The following DISP1 variants were observed in gnomAD, a reference collection of about 807,000 sequenced individuals.
DISP1 encodes the protein dispatched RND transporter family member 1, also known as protein dispatched homolog 1.
Under a neutral mutation model 37.3 loss-of-function variants are expected in DISP1, and 30 were observed. The ratio of observed to expected loss-of-function variants is 0.80; its 90% CI spans 0.60 to 1.09. The LOEUF is 1.09. DISP1 is among the 50% of genes least tolerant of loss of function. DISP1 has a pLI of 0.00. For missense variants in DISP1, 1,598 were observed against 1,879.5 expected, an observed-to-expected ratio of 0.85 and a Z score of 2.77; for synonymous variants, 634 against 690.2, an observed-to-expected ratio of 0.92 and a Z score of 1.28.
chr1:222,984,535 G>A (rs559219895), intron 4 of DISP1, among the ~76,000 whole-genome samples: 3 of 147,566 alleles, frequency 2.0e-5, no homozygotes, highest in African/African-American at 7.5e-5. Context: ...TATATAACAG[G>A]TTTATATGAT....
At chr1:223,002,294 C>T in intron 8 of DISP1, 91 bp from the exon 9 acceptor site, 1 of 1,212,840 alleles carries the variant, frequency 8.2e-7, no homozygotes. Context: ...TTCCCTGTCC[C>T]TCAAGATCAC....
intron 1 of DISP1, among the ~76,000 whole-genome samples, chr1:222,842,895 A>G (rs1278961534): frequency 6.6e-6 from 1 of 152,064 alleles, no homozygotes; most frequent in Non-Finnish European, 1.5e-5. Flanking sequence ...TGACAGTGTA[A>G]CAGTAGATCT....
Position 223,004,960 on chromosome 1 carries a change from A to T in DISP1, c.3563A>T (p.Glu1188Val). Residue 1188 changes from glutamate to valine, a missense_variant, in exon 9 of 9, where the codon GAG becomes GTG. Coordinates refer to ENST00000675850, the MANE Select transcript of DISP1 (RefSeq NM_001377229.1). The surrounding 1 kb of genome is among the most constrained non-coding windows in gnomAD (Gnocchi z 4.9). Reference protein sequence around the residue: ...LDPRGPKSELEHEFYELEPLA... With the variant: ...LDPRGPKSELVHEFYELEPLA... ...CCCAGGGGCCCAAAATCTGAACTGG[A>T]GCATGAGTTTTATGAATTAGAACCT... 6.2e-7 allele frequency: 1 copy of T among 1,613,860 alleles called. No homozygotes were observed. Among genetic ancestry groups the T allele is most frequent in the South Asian group, 1.1e-5 (1 of 91,080 alleles).
At chr1:222,913,969 A>G (rs1217110494) in intron 1 of DISP1, among the ~76,000 whole-genome samples, 1 of 150,070 alleles carries the variant, frequency 6.7e-6, no homozygotes, top group Non-Finnish European at 1.5e-5. Flanking sequence ...ATCTGCTTAT[A>G]TAACTCATAC....
chr1:223,004,499 C>T lies in DISP1; in HGVS notation c.3102C>T (p.Leu1034=). 1 of 1,614,218 alleles carries T rather than the reference C, an allele frequency of 6.2e-7. No individual in the cohort carries two copies. Among genetic ancestry groups the T allele is most frequent in the Non-Finnish European group, 8.5e-7 (1 of 1,180,040 alleles). The change falls in exon 9 of 9, where the codon CTC becomes CTT. Residue 1034 remains leucine (L), a synonymous_variant. Coordinates refer to ENST00000675850, the MANE Select transcript of DISP1 (RefSeq NM_001377229.1). This position sits in a 1 kb window ranked among gnomAD's most constrained non-coding sequence, Gnocchi z 4.9. ...CTCTTGTCCTGCTGGGCTGGGAGCT[C>T]AATGTGTTGGAATCTGTCACCATTT... ...VGSLVLLGWE[L]NVLESVTISV...
At chr1:222,820,505 A>G (rs1662576290) in intron 1 of DISP1, among the ~76,000 whole-genome samples, 1 of 152,182 alleles carries the variant, frequency 6.6e-6, no homozygotes, top group African/African-American at 2.4e-5. Context: ...TTTGGAACCC[A>G]AGTGCTTGGA....
intron 3 of DISP1, among the ~76,000 whole-genome samples, chr1:222,975,457 A>C (rs958127380): frequency 3.9e-5 from 6 of 152,198 alleles, no homozygotes; most frequent in African/African-American, 1.4e-4. Context: ...TCCTTCCAAA[A>C]ATTATTAAAA....
At chr1:222,963,358 G>A (rs1261405956) in intron 3 of DISP1, among the ~76,000 whole-genome samples, 1 of 152,098 alleles carries the variant, frequency 6.6e-6, no homozygotes, top group Non-Finnish European at 1.5e-5. Context: ...GTGGAAGACG[G>A]TATGGCGATT....
At chr1:222,978,595 C>T (rs562991355) in intron 3 of DISP1, among the ~76,000 whole-genome samples, 42 of 152,298 alleles carry the variant, frequency 2.8e-4, no homozygotes, top group African/African-American at 9.4e-4. Context: ...AGTCTTTGCC[C>T]ATGCCTGTGT....
intron 2 of DISP1, among the ~76,000 whole-genome samples, chr1:222,936,462 T>G (rs1673728465): frequency 6.6e-6 from 1 of 150,518 alleles, no homozygotes; most frequent in Middle Eastern, 3.2e-3. Context: ...TGTCATTATT[T>G]TGAACCATCT....
chr1:222,980,914 C>G (rs946251104), intron 3 of DISP1, among the ~76,000 whole-genome samples: 1 of 152,152 alleles, frequency 6.6e-6, no homozygotes, highest in Non-Finnish European at 1.5e-5. Flanking sequence ...CCCATCTCTA[C>G]TAAAAATGCA....
At chr1:222,991,672 A>G in intron 6 of DISP1, 25 bp downstream of exon 6, 2 of 1,602,378 alleles carry the variant, frequency 1.2e-6, no homozygotes, top group Non-Finnish European at 1.7e-6. Flanking sequence ...ATTTTTATAT[A>G]ACTTTTAGAC....
At chr1:222,961,988 G>A (rs1347541950) in intron 3 of DISP1, among the ~76,000 whole-genome samples, 2 of 151,488 alleles carry the variant, frequency 1.3e-5, no homozygotes, top group Non-Finnish European at 2.9e-5. Flanking sequence ...CCTGGTGACA[G>A]AGCAAGACTC....
In DISP1 at chr1:222,962,555, C is replaced by A. The variant is rs947746920; in HGVS notation, c.509+19223C>A. On this transcript the variant is annotated intron_variant, in intron 3 of 8. Coordinates refer to ENST00000675850, the MANE Select transcript of DISP1 (RefSeq NM_001377229.1). Reference sequence around the variant, plus strand: ...TACCACAAGGCTACAGTAACCAAAACAGCATGGTACTGGTACCAAAACAGA... The same window carrying A: ...TACCACAAGGCTACAGTAACCAAAAAAGCATGGTACTGGTACCAAAACAGA... Among the ~76,000 whole-genome samples, 3 of 152,186 alleles carry A rather than the reference C, an allele frequency of 2.0e-5. No individual in the cohort carries two copies. The East Asian group carries it at 5.8e-4, about 29-fold the overall frequency.
At chr1:222,936,946 ATTAC>A (rs1673942527) in intron 2 of DISP1, among the ~76,000 whole-genome samples, 1 of 82,958 alleles carries the variant, frequency 1.2e-5, no homozygotes. Flanking sequence ...TATATTATAT[ATTAC>A]ATATTATATT....
chr1:223,001,469 T>G (rs1679438170), intron 8 of DISP1, among the ~76,000 whole-genome samples: 1 of 152,226 alleles, frequency 6.6e-6, no homozygotes, highest in South Asian at 2.1e-4. Context: ...TTTATGCTTC[T>G]TGACATCAGC....
intron 1 of DISP1, among the ~76,000 whole-genome samples, chr1:222,839,315 T>C (rs2125285755): frequency 6.6e-6 from 1 of 152,328 alleles, no homozygotes; most frequent in East Asian, 1.9e-4. Flanking sequence ...CCCGATGATC[T>C]GAGGTGGAAC....
chr1:222,928,786 C>T (rs1673226576), intron 2 of DISP1, among the ~76,000 whole-genome samples: 2 of 151,806 alleles, frequency 1.3e-5, no homozygotes, highest in Admixed American at 1.3e-4. Flanking sequence ...TGTAGTCTAG[C>T]GCAGTAAGGT....
intron 3 of DISP1, among the ~76,000 whole-genome samples, chr1:222,956,000 C>T (rs1187627883): frequency 6.6e-6 from 1 of 152,182 alleles, no homozygotes; most frequent in Admixed American, 6.5e-5. Flanking sequence ...GAGATTCAAG[C>T]CTAATGCTTT....
Sources: gnomAD v4.1 joint callset for allele counts (sites outside exome capture counted in the v4.1 genomes callset) on GRCh38, gnomAD v4.1.1 for gene constraint, Gnocchi (gnomAD v3.1) non-coding constraint, MANE v1.5 for transcripts, NCBI Gene and HGNC (gene_info 2026-07-23, HGNC 2026-07-21) for gene names.